SORL1: variants seen among roughly 807,000 people sequenced by gnomAD.
The protein encoded by SORL1 is sortilin-related receptor.
SORL1 carries 127 observed loss-of-function variants against 273.7 expected under a neutral mutation model. The observed-to-expected ratio is 0.46, with a 90% CI of 0.40 to 0.54. The LOEUF is 0.54. Among genes scored for constraint, SORL1 ranks in the 20% least tolerant of loss-of-function variants. SORL1 has a pLI of 0.00. For synonymous variants in SORL1, 1,031 were observed against 1,067.4 expected (o/e 0.97, Z 0.66); for missense variants, 2,494 against 2,846.1 (o/e 0.88, Z 2.81).
At position 121,622,210 on chromosome 11, in the gene SORL1, A is replaced by G; in HGVS notation, c.6113A>G (p.His2038Arg). The G allele has an allele frequency of 5.0e-6, 8 of 1,613,030 alleles. No homozygotes were observed. Among genetic ancestry groups the G allele is most frequent in the African/African-American group, 1.3e-5 (1 of 75,028 alleles). ...TTAAAAATCATAACAGAAAATGATC[A>G]TGTTCTTCTGTTTTGGAAAAGCCTG... is the stretch of plus-strand genomic sequence containing the variant. ...DALKIITEND[H>R]VLLFWKSLAL... Residue 2038 changes from histidine to arginine, a missense_variant, in exon 45 of 48, where the codon CAT (histidine) becomes CGT (arginine). By Grantham distance (29) the His-to-Arg change is conservative. Transcript: ENST00000260197.
chr11:121,525,902 C>T (rs59569393), intron 11 of SORL1, among the ~76,000 whole-genome samples: 10,362 of 152,124 alleles, frequency 0.068, 422 homozygotes, highest in East Asian at 0.13. Context: ...GTGGTGCATG[C>T]CTGTAGTCCT....
chr11:121,566,865 G>C (rs557634164), intron 21 of SORL1, 75 bp from the exon 22 acceptor site: 1 of 1,387,742 alleles, frequency 7.2e-7, no homozygotes, highest in East Asian at 2.5e-5. Context: ...AGGTTGCAGT[G>C]GGTCTCCTTC....
chr11:121,536,898 A>G (rs1057441524), intron 12 of SORL1, among the ~76,000 whole-genome samples: 1 of 152,140 alleles, frequency 6.6e-6, no homozygotes, highest in Non-Finnish European at 1.5e-5. Flanking sequence ...CGCAAAATCA[A>G]GTCACTGAAA....
chr11:121,526,008 A>G (rs1862115884), intron 11 of SORL1, among the ~76,000 whole-genome samples: 3 of 152,232 alleles, frequency 2.0e-5, no homozygotes, highest in Admixed American at 2.0e-4. Context: ...AGCCTGGGCA[A>G]TGGAATCAGA....
intron 8 of SORL1, 48 bp downstream of exon 8, chr11:121,514,369 C>T (rs761032420): frequency 3.2e-6 from 5 of 1,543,740 alleles, no homozygotes; most frequent in Non-Finnish European, 1.8e-6. Flanking sequence ...CCAACACAAC[C>T]ATTAGCTTCT....
rs1338446915 is a variant in SORL1, at chr11:121,632,276, A to G, written c.*2713A>G. ...CTCTGGAAACCGATTTTACTCCTGG[A>G]TGTATTGAATGCCCCTTGAGCTTTA... is the stretch of plus-strand genomic sequence containing the variant. On this transcript the variant is annotated 3_prime_UTR_variant, in exon 48 of 48. Coordinates refer to ENST00000260197, the MANE Select transcript of SORL1 (RefSeq NM_003105.6). The G allele has an allele frequency of 6.6e-6, 1 of 152,060 alleles. No individual in the cohort carries two copies. Among genetic ancestry groups the G allele is most frequent in the African/African-American group, 2.4e-5 (1 of 41,386 alleles). The allele number at this position is 152,060 out of a possible 1,614,324, so 9.4% of individuals were successfully genotyped here. A position where few individuals can be genotyped will look rare whatever the true frequency, so the allele number is the denominator to read the frequency against.
rs1862498331 is a variant in SORL1 at position 121,550,810 on chromosome 11, C to T, written c.2266+140C>T. ...CGTCACAAGCATCACAGGGCTTCCT[C>T]TTTTCCCTAAGGTTGGTTTCCACAC... On this transcript the variant is annotated intron_variant, in intron 16 of 47. Transcript: ENST00000260197. The surrounding 1 kb of genome is among the most constrained non-coding windows in gnomAD (Gnocchi z 5.3). The T allele has an allele frequency of 1.5e-6, 1 of 659,922 alleles. No individual in the cohort carries two copies. The highest frequency in any genetic ancestry group is 2.8e-5 in the East Asian group (1 of 35,784). 40.9% of individuals were successfully genotyped at this position (659,922 alleles called of 1,614,324 possible). A position where few individuals can be genotyped will look rare whatever the true frequency, so the allele number is the denominator to read the frequency against.
chr11:121,532,405 A>G (rs1022909002), intron 11 of SORL1, 59 bp from the exon 12 acceptor site: 14 of 1,504,082 alleles, frequency 9.3e-6, no homozygotes, highest in African/African-American at 6.9e-5. Flanking sequence ...GCATGTGTAC[A>G]TGGTTTCTGC....
At chr11:121,623,263 G>C (rs1168226085) in intron 45 of SORL1, among the ~76,000 whole-genome samples, 1 of 152,222 alleles carries the variant, frequency 6.6e-6, no homozygotes, top group African/African-American at 2.4e-5. Context: ...TGTTAAATTG[G>C]TAAAGATTTG....
At chr11:121,580,050 G>A (rs189493729) in intron 25 of SORL1, among the ~76,000 whole-genome samples, 1 of 152,210 alleles carries the variant, frequency 6.6e-6, no homozygotes, top group African/African-American at 2.4e-5. Flanking sequence ...AATAATAACA[G>A]ACACTCTTTT....
At chr11:121,460,614 T>C (rs1040200304) in intron 1 of SORL1, among the ~76,000 whole-genome samples, 6 of 152,076 alleles carry the variant, frequency 3.9e-5, no homozygotes, top group African/African-American at 1.4e-4. Flanking sequence ...GCCAGGCTGG[T>C]CTCGAACTCC....
intron 24 of SORL1, chr11:121,576,659 A>C (rs1230783886): frequency 1.1e-6 from 1 of 944,452 alleles, no homozygotes; most frequent in Non-Finnish European, 1.5e-6. Context: ...TTGCCAGGGC[A>C]GCCTCCTTCC....
At chr11:121,598,820 G>A (rs1863341127) in intron 32 of SORL1, among the ~76,000 whole-genome samples, 1 of 152,138 alleles carries the variant, frequency 6.6e-6, no homozygotes, top group Non-Finnish European at 1.5e-5. Context: ...GCTTTTCGGA[G>A]GGGTCCCAGG....
rs181735959 is a variant in SORL1 at position 121,591,239 on chromosome 11, A to T, written c.4369+83A>T. 5 of 1,472,840 alleles carry T rather than the reference A, an allele frequency of 3.4e-6. No individual in the cohort carries two copies. In the Admixed American group the frequency reaches 6.8e-5, roughly 20 times the overall value. The allele number at this position is 1,472,840 out of a possible 1,614,324, so 91.2% of individuals were successfully genotyped here. A position where few individuals can be genotyped will look rare whatever the true frequency, so the allele number is the denominator to read the frequency against. On this transcript the variant is annotated intron_variant, in intron 31 of 47. Transcript: ENST00000260197. ...GGGGGTGTGCTCTGGGCACAATCCA[A>T]CCGGGCCCCATGCCCTGCTGTCTGG... is the stretch of plus-strand genomic sequence containing the variant.
chr11:121,468,709 C>G (rs1861125649), intron 1 of SORL1, among the ~76,000 whole-genome samples: 1 of 152,152 alleles, frequency 6.6e-6, no homozygotes, highest in African/African-American at 2.4e-5. Context: ...TCGTGGGCCA[C>G]CGAGCCTGAC....
At chr11:121,590,632 G>A in intron 30 of SORL1, 1 of 603,050 alleles carries the variant, frequency 1.7e-6, no homozygotes, top group Non-Finnish European at 2.9e-6. Flanking sequence ...CCAGGTCGTG[G>A]AGTAGTTGCG....
chr11:121,539,638 A>G (rs1173397407), intron 12 of SORL1, among the ~76,000 whole-genome samples: 1 of 152,120 alleles, frequency 6.6e-6, no homozygotes, highest in African/African-American at 2.4e-5. Context: ...ACCCAGCTTT[A>G]CTACTATGTT....
In SORL1 at chr11:121,515,637, T is replaced by C. The variant is rs544678370; in HGVS notation, c.1211+1316T>C. 4.6e-5 allele frequency among the ~76,000 whole-genome samples: 7 copies of C among 152,270 alleles called. No individual in the cohort carries two copies. In the South Asian group the frequency reaches 6.2e-4, roughly 14 times the overall value. ...GCTTGTGAAGAACTTTGTTTTTTTC[T>C]TTTTTGTTGTTTTTGTTTGTTTGTT... On this transcript the variant is annotated intron_variant, in intron 8 of 47. Transcript: ENST00000260197.
At chr11:121,576,953 T>A in intron 24 of SORL1, 1 of 1,528,668 alleles carries the variant, frequency 6.5e-7, no homozygotes, top group Non-Finnish European at 8.8e-7. Flanking sequence ...CACTGCTTCC[T>A]AACCTTCTTC....
Sources: allele counts gnomAD v4.1 joint callset (sites outside exome capture counted in the v4.1 genomes callset), GRCh38; gene constraint gnomAD v4.1.1; non-coding constraint Gnocchi (gnomAD v3.1); transcripts MANE v1.5; gene names NCBI Gene and HGNC (gene_info 2026-07-23, HGNC 2026-07-21).